The following MAPKAP1 variants were observed in gnomAD, a reference collection of about 807,000 sequenced individuals.
MAPKAP1 encodes target of rapamycin complex 2 subunit MAPKAP1.
Under a neutral mutation model 65.7 loss-of-function variants are expected in MAPKAP1, and 20 were observed. That is an observed-to-expected ratio of 0.30 (90% CI 0.21 to 0.44). The LOEUF is 0.44. MAPKAP1 is among the 20% of genes least tolerant of loss of function. The pLI is 1.00. For synonymous variants in MAPKAP1, 222 were observed against 244.3 expected (o/e 0.91, Z 0.85); for missense variants, 423 against 648.0 (o/e 0.65, Z 3.77).
chr9:125,438,435 C>A lies in MAPKAP1; in HGVS notation c.*452G>T, dbSNP rs1265924770. On this transcript the variant is annotated 3_prime_UTR_variant, in exon 12 of 12. Transcript: ENST00000265960. ...TTTAAAGAGAGTAACATAATCAATC[C>A]TCCGCCCCAAAGAATGGTCCATCAT... is the stretch of plus-strand genomic sequence containing the variant. The A allele has an allele frequency of 2.0e-5, 8 of 399,690 alleles. No homozygotes were observed. The highest frequency in any genetic ancestry group is 3.1e-5 in the Non-Finnish European group (7 of 226,624). 24.8% of individuals were successfully genotyped at this position (399,690 alleles called of 1,614,324 possible). A position where few individuals can be genotyped will look rare whatever the true frequency, so the allele number is the denominator to read the frequency against.
At chr9:125,482,251 C>T (rs1564526413) in intron 9 of MAPKAP1, among the ~76,000 whole-genome samples, 1 of 151,978 alleles carries the variant, frequency 6.6e-6, no homozygotes, top group Non-Finnish European at 1.5e-5. Flanking sequence ...GTAATCAGCA[C>T]CCAGATCAGA....
intron 10 of MAPKAP1, among the ~76,000 whole-genome samples, chr9:125,459,777 T>C (rs1362387429): frequency 1.5e-5 from 2 of 132,240 alleles, no homozygotes; most frequent in South Asian, 2.4e-4. Context: ...ACAGTCCAGC[T>C]TCGGCTCGGC....
At chr9:125,584,842 A>G (rs1564570020) in intron 5 of MAPKAP1, among the ~76,000 whole-genome samples, 1 of 152,226 alleles carries the variant, frequency 6.6e-6, no homozygotes, top group Non-Finnish European at 1.5e-5. Flanking sequence ...CAAGTAGGGG[A>G]GAGGCAATGC....
At chr9:125,639,881 A>C (rs937959689) in intron 4 of MAPKAP1, among the ~76,000 whole-genome samples, 2 of 152,178 alleles carry the variant, frequency 1.3e-5, no homozygotes, top group African/African-American at 2.4e-5. Context: ...GGGCAGTGAG[A>C]GGCTTATTTC....
intron 3 of MAPKAP1, among the ~76,000 whole-genome samples, chr9:125,663,466 C>T (rs934198856): frequency 3.3e-5 from 5 of 152,150 alleles, no homozygotes; most frequent in African/African-American, 1.2e-4. Context: ...CATTCCTTAT[C>T]CCCCTTACCT....
intron 4 of MAPKAP1, among the ~76,000 whole-genome samples, chr9:125,618,341 CAAAAAAAAAAAAA>C (rs60166871): frequency 4.5e-4 from 14 of 31,218 alleles, no homozygotes; most frequent in Non-Finnish European, 6.3e-4. Context: ...GGCTCCGTCT[CAAAAAAAAAAAAA>C]AAAAAAAAAA....
At chr9:125,532,681 A>G (rs981660714) in intron 7 of MAPKAP1, among the ~76,000 whole-genome samples, 1 of 152,202 alleles carries the variant, frequency 6.6e-6, no homozygotes, top group Non-Finnish European at 1.5e-5. Flanking sequence ...CAGGGTCCAC[A>G]TTAACCCCCT....
At chr9:125,524,996 G>A (rs183192624) in intron 7 of MAPKAP1, among the ~76,000 whole-genome samples, 216 of 152,350 alleles carry the variant, frequency 1.4e-3, no homozygotes, top group African/African-American at 5.1e-3. Context: ...CCCTGGAAAA[G>A]CCCAAATGAG....
intron 9 of MAPKAP1, chr9:125,478,107 T>C (rs1198746126): frequency 6.6e-6 from 1 of 152,186 alleles, no homozygotes; most frequent in East Asian, 1.9e-4. Context: ...GGGTTGCTTA[T>C]AGGACTGTGT....
chr9:125,700,760 A>ATC lies in MAPKAP1; in HGVS notation c.-70+6210_-70+6211insGA, dbSNP rs1835571202. The stretch of plus-strand genomic sequence containing the variant: ...TTATTTCCTTATACAATAGAGTATG[A>ATC]ATGAAAACAAGTATCTACAAGACCA... On this transcript the variant is annotated intron_variant, in intron 1 of 11. Coordinates refer to ENST00000265960, the MANE Select transcript of MAPKAP1 (RefSeq NM_001006617.3). Among the ~76,000 whole-genome samples, 6 of 152,354 alleles carry ATC rather than the reference A, an allele frequency of 3.9e-5. No homozygotes were observed. In the South Asian group the frequency reaches 1.2e-3, roughly 32 times the overall value.
At chr9:125,476,147 T>C (rs978044457) in intron 9 of MAPKAP1, among the ~76,000 whole-genome samples, 2 of 152,196 alleles carry the variant, frequency 1.3e-5, no homozygotes, top group Admixed American at 1.3e-4. Flanking sequence ...CCACAGTGTT[T>C]CCAATATTAC....
intron 9 of MAPKAP1, among the ~76,000 whole-genome samples, chr9:125,470,147 T>C (rs1853849234): frequency 6.6e-6 from 1 of 152,234 alleles, no homozygotes; most frequent in Non-Finnish European, 1.5e-5. Flanking sequence ...AGTCAGTCAA[T>C]ACTGTTAATG....
At chr9:125,484,393 C>A in intron 9 of MAPKAP1, 50 bp downstream of exon 9, 1 of 1,557,602 alleles carries the variant, frequency 6.4e-7, no homozygotes, top group South Asian at 1.2e-5. Context: ...CCCATTTCTA[C>A]ACCGACTGCT....
In MAPKAP1 at chr9:125,669,712, T is replaced by G; in HGVS notation, c.349+106A>C. ...AGCTCAAAGCTCAAAACACTAGAGGTATCTAAGTCCAGAGGATTTAAAAGG... is the reference window on the plus strand; with the variant it reads ...AGCTCAAAGCTCAAAACACTAGAGGGATCTAAGTCCAGAGGATTTAAAAGG... On this transcript the variant is annotated intron_variant, in intron 3 of 11. Transcript: ENST00000265960. The G allele has an allele frequency of 9.3e-6, 5 of 537,604 alleles. No homozygotes were observed. In the South Asian group the frequency reaches 1.4e-4, roughly 15 times the overall value. The allele number at this position is 537,604 out of a possible 1,614,324, so 33.3% of individuals were successfully genotyped here.
At chr9:125,467,862 G>C (rs1417489910) in intron 10 of MAPKAP1, 110 bp downstream of exon 10, 1 of 1,216,254 alleles carries the variant, frequency 8.2e-7, no homozygotes, top group Non-Finnish European at 1.2e-6. Flanking sequence ...AATTAAAACA[G>C]ACCCAAGGAA....
chr9:125,536,398 G>A (rs1001896792), intron 7 of MAPKAP1, among the ~76,000 whole-genome samples: 1 of 152,150 alleles, frequency 6.6e-6, no homozygotes, highest in African/African-American at 2.4e-5. Context: ...CACTTTAGCA[G>A]CCCTAATTTA....
chr9:125,624,963 C>T (rs1393447060), intron 4 of MAPKAP1, among the ~76,000 whole-genome samples: 2 of 80,380 alleles, frequency 2.5e-5, no homozygotes, highest in African/African-American at 8.8e-5. Flanking sequence ...CTCTCTGAAA[C>T]ATGTGCTGTG....
intron 1 of MAPKAP1, among the ~76,000 whole-genome samples, chr9:125,704,799 T>C (rs1259387637): frequency 6.6e-6 from 1 of 152,186 alleles, no homozygotes; most frequent in East Asian, 1.9e-4. Flanking sequence ...GCATTATACC[T>C]TTGTATCTTA....
intron 2 of MAPKAP1, among the ~76,000 whole-genome samples, chr9:125,670,772 AAAAG>A (rs1834474512): frequency 6.6e-6 from 1 of 152,208 alleles, no homozygotes; most frequent in Non-Finnish European, 1.5e-5. Flanking sequence ...ACCACAATAA[AAAAG>A]AAAGTCACAA....
Sources: gnomAD v4.1 joint callset for allele counts (sites outside exome capture counted in the v4.1 genomes callset) on GRCh38, gnomAD v4.1.1 for gene constraint, MANE v1.5 for transcripts, NCBI Gene and HGNC (gene_info 2026-07-23, HGNC 2026-07-21) for gene names.